NR3C2: variants seen among roughly 807,000 people sequenced by gnomAD.
The protein encoded by NR3C2 is nuclear receptor subfamily 3 group C member 2.
NR3C2 carries 15 observed loss-of-function variants against 86.4 expected under a neutral mutation model. That is an observed-to-expected ratio of 0.17 (90% CI 0.12 to 0.27). The LOEUF (loss-of-function observed/expected upper bound fraction) is 0.27. Ranked by LOEUF, NR3C2 falls within the 10% of genes least tolerant of loss-of-function variation. The pLI, the probability that NR3C2 is intolerant of heterozygous loss-of-function variation, is 1.00. For synonymous variants in NR3C2, 458 were observed against 450.5 expected, an observed-to-expected ratio of 1.02 and a Z score of -0.21; for missense variants, 960 against 1,195.6, an observed-to-expected ratio of 0.80 and a Z score of 2.91.
intron 2 of NR3C2, among the ~76,000 whole-genome samples, chr4:148,344,347 T>A (rs368633421): frequency 3.3e-5 from 5 of 152,044 alleles, no homozygotes; most frequent in African/African-American, 1.2e-4. Context: ...AGATAATAAA[T>A]CTAAACAACA....
intron 4 of NR3C2, among the ~76,000 whole-genome samples, chr4:148,171,163 A>C (rs756744697): frequency 1.5e-4 from 23 of 152,238 alleles, no homozygotes; most frequent in Non-Finnish European, 3.2e-4. Flanking sequence ...ACTGGTCCCC[A>C]AGCGTCGACT....
chr4:148,444,417 C>G (rs61760041), upstream of NR3C2: 11 of 986,056 alleles, frequency 1.1e-5, no homozygotes, highest in Non-Finnish European at 1.3e-5. Context: ...CGCTCGCCAA[C>G]CCGCGCCCTC....
At chr4:148,340,390 A>G (rs1744693986) in intron 2 of NR3C2, among the ~76,000 whole-genome samples, 1 of 152,184 alleles carries the variant, frequency 6.6e-6, no homozygotes, top group Non-Finnish European at 1.5e-5. Context: ...GAAAAAAGAC[A>G]GTCTCCTTAA....
At chr4:148,122,483 A>G (rs1732552243) in intron 6 of NR3C2, among the ~76,000 whole-genome samples, 1 of 152,208 alleles carries the variant, frequency 6.6e-6, no homozygotes, top group Non-Finnish European at 1.5e-5. Context: ...GAGTCTCTGT[A>G]TTTTAATAAC....
intron 6 of NR3C2, among the ~76,000 whole-genome samples, chr4:148,144,340 G>A (rs919317199): frequency 6.6e-6 from 1 of 152,062 alleles, no homozygotes; most frequent in African/African-American, 2.4e-5. Flanking sequence ...AAGTAGCTGG[G>A]ACCACAGGTG....
intron 4 of NR3C2, among the ~76,000 whole-genome samples, chr4:148,171,932 T>G (rs1279149854): frequency 6.6e-6 from 1 of 152,132 alleles, no homozygotes; most frequent in African/African-American, 2.4e-5. Flanking sequence ...CAGTACAGAT[T>G]CCTGACTCTG....
chr4:148,117,394 A>G (rs545782650), intron 7 of NR3C2, among the ~76,000 whole-genome samples: 1 of 152,208 alleles, frequency 6.6e-6, no homozygotes, highest in East Asian at 1.9e-4. Flanking sequence ...CGCTGCTGCC[A>G]TTGTGTGCCA....
chr4:148,277,011 T>G (rs756762543), intron 2 of NR3C2, among the ~76,000 whole-genome samples: 3 of 152,244 alleles, frequency 2.0e-5, no homozygotes, highest in Non-Finnish European at 4.4e-5. Context: ...CTTAGTAACA[T>G]TTAATCACAT....
At chr4:148,318,561 G>T (rs371463721) in intron 2 of NR3C2, among the ~76,000 whole-genome samples, 7 of 151,802 alleles carry the variant, frequency 4.6e-5, no homozygotes, top group East Asian at 1.9e-4. Context: ...TTTTAATGAT[G>T]GCCATTCTAA....
Position 148,324,331 on chromosome 4 carries a change from CTGTGTG to C in NR3C2, c.1758-64220_1758-64215del, listed in dbSNP as rs374839889. ...TTTTTTAAGACTGAATAATATTCCTCTGTGTGTGTGTGTGTGTGTGTGTGTGTGTGT... is the reference window on the plus strand; with the variant it reads ...TTTTTTAAGACTGAATAATATTCCTCTGTGTGTGTGTGTGTGTGTGTGTGT... On this transcript the variant is annotated intron_variant, in intron 2 of 8. Coordinates refer to ENST00000358102, the MANE Select transcript of NR3C2 (RefSeq NM_000901.5). 8.2e-3 allele frequency among the ~76,000 whole-genome samples: 1,158 copies of C among 141,916 alleles called. 12 individuals carry two copies. Among genetic ancestry groups the C allele is most frequent in the African/African-American group, 0.025 (944 of 37,408 alleles). The allele number at this position is 141,916 out of a possible 152,430, so 93.1% of individuals were successfully genotyped here. A position where few individuals can be genotyped will look rare whatever the true frequency, so the allele number is the denominator to read the frequency against.
At chr4:148,260,490 A>G (rs1170463437) in intron 2 of NR3C2, among the ~76,000 whole-genome samples, 1 of 152,210 alleles carries the variant, frequency 6.6e-6, no homozygotes, top group East Asian at 1.9e-4. Context: ...TTATTTTTGC[A>G]TCAAAGAGCT....
rs1023510995 is a variant in NR3C2, at chr4:148,261,833, T to G, written c.1758-1716A>C. On this transcript the variant is annotated intron_variant, in intron 2 of 8. Coordinates refer to ENST00000358102, the MANE Select transcript of NR3C2 (RefSeq NM_000901.5). Reference sequence around the variant, plus strand: ...TGATAATAATGCGTTAATATTTGTTTAAAGTATTTTGAACTATACTCTCAC... The same window carrying G: ...TGATAATAATGCGTTAATATTTGTTGAAAGTATTTTGAACTATACTCTCAC... 3.9e-5 allele frequency among the ~76,000 whole-genome samples: 6 copies of G among 152,360 alleles called. No homozygotes were observed. The South Asian group carries it at 1.2e-3, about 32-fold the overall frequency.
chr4:148,313,825 C>T (rs930273758), intron 2 of NR3C2, among the ~76,000 whole-genome samples: 2 of 152,160 alleles, frequency 1.3e-5, no homozygotes, highest in African/African-American at 4.8e-5. Context: ...AATTCTCTTG[C>T]TAAGTTCAAC....
intron 7 of NR3C2, among the ~76,000 whole-genome samples, chr4:148,116,993 G>A (rs554908421): frequency 1.3e-5 from 2 of 152,168 alleles, no homozygotes; most frequent in Non-Finnish European, 2.9e-5. Context: ...GCTTGGCAGA[G>A]GAGTAAAATC....
At chr4:148,355,574 G>A (rs2149997544) in intron 2 of NR3C2, among the ~76,000 whole-genome samples, 1 of 152,198 alleles carries the variant, frequency 6.6e-6, no homozygotes. Flanking sequence ...TGGGGCACCT[G>A]GGAACAAAGC....
intron 2 of NR3C2, among the ~76,000 whole-genome samples, chr4:148,362,898 C>T (rs758114689): frequency 1.3e-5 from 2 of 152,128 alleles, no homozygotes; most frequent in Non-Finnish European, 2.9e-5. Context: ...ATGGCGTTTC[C>T]GTTATGACAT....
chr4:148,148,438 A>G (rs977897534), intron 6 of NR3C2, among the ~76,000 whole-genome samples: 7 of 152,202 alleles, frequency 4.6e-5, no homozygotes, highest in African/African-American at 1.4e-4. Context: ...GCAAATCTGG[A>G]AATGTCACCC....
At position 148,369,404 on chromosome 4, in the gene NR3C2, G is replaced by A. The variant is rs958649927; in HGVS notation, c.1757+65700C>T. On this transcript the variant is annotated intron_variant, in intron 2 of 8. Coordinates refer to ENST00000358102, the MANE Select transcript of NR3C2 (RefSeq NM_000901.5). Reference sequence around the variant, plus strand: ...TATGTTTAATTTGTATTTCCCCAACGTGCTTTATGATGATAGCATTTGCCC... The same window carrying A: ...TATGTTTAATTTGTATTTCCCCAACATGCTTTATGATGATAGCATTTGCCC... Among the ~76,000 whole-genome samples, 3 of 152,198 alleles carry A rather than the reference G, an allele frequency of 2.0e-5. 1 individual carries two copies. The South Asian group carries it at 6.2e-4, about 32-fold the overall frequency.
intron 6 of NR3C2, among the ~76,000 whole-genome samples, chr4:148,129,984 AAT>A (rs1389060707): frequency 6.6e-6 from 1 of 152,144 alleles, no homozygotes; most frequent in Admixed American, 6.5e-5. Context: ...CTTCTTTTAT[AAT>A]ATACAAAATG....
Sources: allele counts gnomAD v4.1 joint callset (sites outside exome capture counted in the v4.1 genomes callset), GRCh38; gene constraint gnomAD v4.1.1; transcripts MANE v1.5; gene names NCBI Gene and HGNC (gene_info 2026-07-23, HGNC 2026-07-21).